The following INPP5D variants were observed in gnomAD, a reference collection of about 807,000 sequenced individuals.
INPP5D encodes the protein inositol polyphosphate-5-phosphatase D.
A neutral mutation model predicts 122.9 loss-of-function variants in INPP5D; 33 were observed. The observed-to-expected ratio is 0.27, with a 90% CI of 0.20 to 0.36. The LOEUF (loss-of-function observed/expected upper bound fraction) is 0.36. Among genes scored for constraint, INPP5D ranks in the 10% least tolerant of loss-of-function variants. The pLI is 1.00. For missense variants in INPP5D, 1,053 were observed against 1,412.7 expected (o/e 0.75, Z 4.08); for synonymous variants, 584 against 576.2 (o/e 1.01, Z -0.19).
rs1304640296 is a variant in INPP5D, at chr2:233,128,962, C to T, written c.525-1546C>T. Among the ~76,000 whole-genome samples, 1 of 152,034 alleles carries T rather than the reference C, an allele frequency of 6.6e-6. No individual in the cohort carries two copies. The highest frequency in any genetic ancestry group is 6.6e-5 in the Admixed American group (1 of 15,250). The stretch of plus-strand genomic sequence containing the variant: ...TTGGGAGCCTGAGGCAGTGGATCAC[C>T]TGAGGTCAGCCTGGCCAACATGGTA... On this transcript the variant is annotated intron_variant, in intron 4 of 26. Transcript: ENST00000445964. The surrounding 1 kb of genome is among the most constrained non-coding windows in gnomAD (Gnocchi z 4.5).
chr2:233,168,370 G>C (rs1049121067), intron 13 of INPP5D, among the ~76,000 whole-genome samples: 2 of 152,226 alleles, frequency 1.3e-5, no homozygotes, highest in African/African-American at 4.8e-5. Flanking sequence ...CATGTGGCCT[G>C]TGCCTGTATT....
At chr2:233,184,372 A>G (rs376447969) in intron 19 of INPP5D, 36 bp from the exon 20 acceptor site, 18 of 1,610,396 alleles carry the variant, frequency 1.1e-5, no homozygotes, top group African/African-American at 1.3e-5. Context: ...CTCCAGGCAC[A>G]TTGTGGAACT....
Position 233,116,248 on chromosome 2 carries a change from G to GATAGATATAGATATAGATATAGAT in INPP5D, c.199-5843_199-5820dup, listed in dbSNP as rs57412586. ...ATGTAGATAGATAGATAGATAGATAGATAGATATAGATATAGATATAGATA... is the reference window on the plus strand; with the variant it reads ...ATGTAGATAGATAGATAGATAGATAGATAGATATAGATATAGATATAGATATAGATATAGATATAGATATAGATA... On this transcript the variant is annotated intron_variant, in intron 2 of 26. Transcript: ENST00000445964. Among the ~76,000 whole-genome samples the GATAGATATAGATATAGATATAGAT allele has an allele frequency of 9.6e-3, 1,293 of 135,180 alleles. 38 individuals carry two copies. Among genetic ancestry groups the GATAGATATAGATATAGATATAGAT allele is most frequent in the African/African-American group, 0.037 (1,197 of 32,008 alleles). 88.7% of individuals were successfully genotyped at this position (135,180 alleles called of 152,430 possible).
At chr2:233,063,080 G>A (rs1409338907) in intron 1 of INPP5D, among the ~76,000 whole-genome samples, 1 of 152,100 alleles carries the variant, frequency 6.6e-6, no homozygotes, top group Non-Finnish European at 1.5e-5. Context: ...CTGCAGAGTC[G>A]CCGTGGCCTG....
At chr2:233,088,178 TGTTG>T (rs1243580999) in intron 2 of INPP5D, among the ~76,000 whole-genome samples, 6 of 152,164 alleles carry the variant, frequency 3.9e-5, no homozygotes, top group Non-Finnish European at 8.8e-5. Flanking sequence ...AGTTTCATCA[TGTTG>T]GCCAGGCTGG....
intron 1 of INPP5D, among the ~76,000 whole-genome samples, chr2:233,077,877 A>T (rs1691566339): frequency 7.0e-6 from 1 of 142,180 alleles, no homozygotes; most frequent in African/African-American, 2.6e-5. Context: ...AAAAAAAAAA[A>T]TCTAGTTAAA....
At chr2:233,123,783 G>C (rs1693069301) in intron 3 of INPP5D, among the ~76,000 whole-genome samples, 1 of 152,210 alleles carries the variant, frequency 6.6e-6, no homozygotes, top group Non-Finnish European at 1.5e-5. Flanking sequence ...ATACTATGCA[G>C]CCAGTAAAAA....
At chr2:233,157,503 A>G (rs1694085899) in intron 9 of INPP5D, among the ~76,000 whole-genome samples, 1 of 152,242 alleles carries the variant, frequency 6.6e-6, no homozygotes, top group Non-Finnish European at 1.5e-5. Flanking sequence ...AGAAACATTC[A>G]GGGCTGGTCT....
chr2:233,187,118 A>G (rs1694942203), intron 21 of INPP5D, among the ~76,000 whole-genome samples: 1 of 151,748 alleles, frequency 6.6e-6, no homozygotes, highest in Non-Finnish European at 1.5e-5. Flanking sequence ...TAGGAGATCC[A>G]GGCTGCAGTA....
rs1279499269 is a variant in INPP5D, at chr2:233,161,817, T to C, written c.1231T>C (p.Trp411Arg). The C allele has an allele frequency of 1.9e-6, 3 of 1,613,224 alleles. No homozygotes were observed. Among genetic ancestry groups the C allele is most frequent in the Non-Finnish European group, 8.5e-7 (1 of 1,179,578 alleles). The change falls in exon 11 of 27, where the codon TGG becomes CGG. Residue 411 changes from tryptophan (W) to arginine (R), a missense_variant. Coordinates refer to ENST00000445964, the MANE Select transcript of INPP5D (RefSeq NM_001017915.3). ...PDMITIFIGT[W>R]NMGNAPPPKK... is the part of the protein sequence containing the mutation. ...CATGATCACCATCTTCATCGGCACC[T>C]GGAACATGGGTGGGTCCGCGCGCCC...
chr2:233,146,257 C>T lies in INPP5D; in HGVS notation c.834+15C>T. 1 of 704,292 alleles carries T rather than the reference C, an allele frequency of 1.4e-6. No homozygotes were observed. Among genetic ancestry groups the T allele is most frequent in the Non-Finnish European group, 2.6e-6 (1 of 385,014 alleles). The allele number at this position is 704,292 out of a possible 1,614,324, so 43.6% of individuals were successfully genotyped here. A position where few individuals can be genotyped will look rare whatever the true frequency, so the allele number is the denominator to read the frequency against. ...TTGAAGACAAGGTACGTGTGGGGCT[C>T]CTGCGGCTTCTCTTGGTCTCCTCTT... is the stretch of plus-strand genomic sequence containing the variant. On this transcript the variant is annotated intron_variant, in intron 7 of 26. Transcript: ENST00000445964.
chr2:233,159,775 C>T (rs1009386691), intron 10 of INPP5D, among the ~76,000 whole-genome samples: 1 of 151,064 alleles, frequency 6.6e-6, no homozygotes, highest in African/African-American at 2.4e-5. Flanking sequence ...ACATCAGGGA[C>T]CCCCAGCAAG....
In INPP5D at chr2:233,060,394, T is replaced by G; in HGVS notation, c.-85T>G. 6.9e-7 allele frequency: 1 copy of G among 1,440,952 alleles called. No homozygotes were observed. The highest frequency in any genetic ancestry group is 9.3e-7 in the Non-Finnish European group (1 of 1,076,824). 89.3% of individuals were successfully genotyped at this position (1,440,952 alleles called of 1,614,324 possible). ...CACCAAGAGGCAACGGGCGGCAGGT[T>G]GCAGTGGAGGGGCCTCCGCTCCCCT... On this transcript the variant is annotated 5_prime_UTR_variant, in exon 1 of 27. Transcript: ENST00000445964.
At chr2:233,063,239 ACACT>A in intron 1 of INPP5D, among the ~76,000 whole-genome samples, 1 of 152,206 alleles carries the variant, frequency 6.6e-6, no homozygotes, top group Non-Finnish European at 1.5e-5. Context: ...AGGAAGCCAC[ACACT>A]CACCCTCCTG....
Position 233,169,290 on chromosome 2 carries a change from T to C in INPP5D, c.1556-15T>C, listed in dbSNP as rs746701626. ...TGTTTGATATTTTGATTCTTCTTTC[T>C]GCTCTTCTTTTTAGGGAACAAGGGA... On this transcript the variant is annotated splice_polypyrimidine_tract_variant and intron_variant, in intron 13 of 26. Coordinates refer to ENST00000445964, the MANE Select transcript of INPP5D (RefSeq NM_001017915.3). 2 of 1,587,920 alleles carry C rather than the reference T, an allele frequency of 1.3e-6. No individual in the cohort carries two copies.
At chr2:233,173,551 T>C (rs79316755) in intron 17 of INPP5D, among the ~76,000 whole-genome samples, 9 of 152,110 alleles carry the variant, frequency 5.9e-5, no homozygotes, top group Non-Finnish European at 1.2e-4. Context: ...TACAGAAATA[T>C]TTTATTTCTT....
intron 1 of INPP5D, among the ~76,000 whole-genome samples, chr2:233,061,978 A>G (rs1326898971): frequency 1.3e-5 from 2 of 152,192 alleles, no homozygotes; most frequent in Non-Finnish European, 2.9e-5. Context: ...CTGCAGCCCC[A>G]CCTCCAAAGA....
At chr2:233,166,977 C>CT (rs1388879761) in intron 13 of INPP5D, among the ~76,000 whole-genome samples, 2 of 149,024 alleles carry the variant, frequency 1.3e-5, no homozygotes, top group East Asian at 3.9e-4. Context: ...GAGCGAGACT[C>CT]TATCTCAAAA....
chr2:233,201,000 A>ATAAG (rs1247332740), intron 25 of INPP5D, among the ~76,000 whole-genome samples: 11 of 134,156 alleles, frequency 8.2e-5, no homozygotes, highest in Admixed American at 2.2e-4. Context: ...AAATAAATAA[A>ATAAG]TAAATAAATA....
Sources: gnomAD v4.1 joint callset for allele counts (sites outside exome capture counted in the v4.1 genomes callset) on GRCh38, gnomAD v4.1.1 for gene constraint, Gnocchi (gnomAD v3.1) non-coding constraint, MANE v1.5 for transcripts, NCBI Gene and HGNC (gene_info 2026-07-23, HGNC 2026-07-21) for gene names.